ALDOB: variants seen among roughly 807,000 people sequenced by gnomAD.
ALDOB encodes aldolase, fructose-bisphosphate B.
In ALDOB, 39 loss-of-function variants were observed where a neutral mutation model predicts 41.0. That is an observed-to-expected ratio of 0.95 (90% CI 0.74 to 1.24). The LOEUF (loss-of-function observed/expected upper bound fraction) is 1.24, where lower values mean the gene tolerates loss of function less well. Ranked by LOEUF, ALDOB falls within the 50% of genes most tolerant of loss-of-function variation. The pLI, the probability that ALDOB is intolerant of heterozygous loss-of-function variation, is 0.00. For missense variants in ALDOB, 530 were observed against 457.3 expected (o/e 1.16, Z -1.45); for synonymous variants, 175 against 168.8 (o/e 1.04, Z -0.28).
At chr9:101,431,527 G>A (rs1001716587) in intron 1 of ALDOB, among the ~76,000 whole-genome samples, 1 of 152,128 alleles carries the variant, frequency 6.6e-6, no homozygotes, top group Non-Finnish European at 1.5e-5. Flanking sequence ...AGTGCCTCTG[G>A]GCTTGGGTTT....
chr9:101,424,419 A>AAAAC (rs71356350), intron 8 of ALDOB, among the ~76,000 whole-genome samples: 28 of 151,904 alleles, frequency 1.8e-4, no homozygotes, highest in East Asian at 1.7e-3. Flanking sequence ...ACTCCATCTC[A>AAAAC]AAACAAACAA....
intron 5 of ALDOB, 42 bp downstream of exon 5, chr9:101,427,440 C>G (rs751706344): frequency 1.9e-6 from 3 of 1,612,018 alleles, no homozygotes; most frequent in African/African-American, 2.7e-5. Context: ...CTGAAGAAAA[C>G]TCTAGCCTAC....
intron 1 of ALDOB, among the ~76,000 whole-genome samples, chr9:101,433,774 C>G (rs1162942438): frequency 2.0e-5 from 3 of 151,726 alleles, no homozygotes; most frequent in Admixed American, 6.6e-5. Flanking sequence ...TTCTTTCTTT[C>G]TTTTTTATTT....
At chr9:101,426,241 C>T (rs1481073545) in intron 6 of ALDOB, among the ~76,000 whole-genome samples, 1 of 152,140 alleles carries the variant, frequency 6.6e-6, no homozygotes, top group Non-Finnish European at 1.5e-5. Flanking sequence ...AGCCACATGT[C>T]TTATTTTAAA....
intron 8 of ALDOB, among the ~76,000 whole-genome samples, chr9:101,423,333 ACC>A (rs982664336): frequency 1.3e-5 from 2 of 151,814 alleles, no homozygotes; most frequent in African/African-American, 2.4e-5. Flanking sequence ...TCACTCTTCT[ACC>A]CCGCTATTTT....
Position 101,427,466 on chromosome 9 carries a change from G to A in ALDOB, c.540+16C>T, listed in dbSNP as rs774772032. 8 of 1,613,940 alleles carry A rather than the reference G, an allele frequency of 5.0e-6. No individual in the cohort carries two copies. The highest frequency in any genetic ancestry group is 6.8e-6 in the Non-Finnish European group (8 of 1,179,988). The stretch of plus-strand genomic sequence containing the variant: ...TCTAGCCTACTCTTTTTCAGCCCAA[G>A]GGGAAGGCAGAGCACCTGCTGACAG... On this transcript the variant is annotated intron_variant, in intron 5 of 8. Coordinates refer to ENST00000647789, the MANE Select transcript of ALDOB (RefSeq NM_000035.4).
intron 8 of ALDOB, among the ~76,000 whole-genome samples, chr9:101,423,858 C>T (rs1028620220): frequency 1.3e-5 from 2 of 152,176 alleles, no homozygotes; most frequent in Non-Finnish European, 2.9e-5. Context: ...GGCTATGTCT[C>T]ATTTGTTCAC....
chr9:101,426,760 A>ATGACT, intron 5 of ALDOB, 122 bp from the exon 6 acceptor site: 1 of 719,306 alleles, frequency 1.4e-6, no homozygotes, highest in Non-Finnish European at 2.6e-6. Flanking sequence ...TACTACATAG[A>ATGACT]TGACTTAAAG....
intron 3 of ALDOB, among the ~76,000 whole-genome samples, 183 bp downstream of exon 3, chr9:101,429,572 G>A (rs575658291): frequency 2.0e-5 from 3 of 152,256 alleles, no homozygotes; most frequent in South Asian, 2.1e-4. Flanking sequence ...TTGAGTGAAA[G>A]AAGAGGGCAC....
At position 101,430,901 on chromosome 9, in the gene ALDOB, GAA is replaced by G. The variant is rs753304085; in HGVS notation, c.-10-6_-10-5del. 1.1e-5 allele frequency: 17 copies of G among 1,597,314 alleles called. No individual in the cohort carries two copies. Among genetic ancestry groups the G allele is most frequent in the Non-Finnish European group, 8.6e-7 (1 of 1,164,884 alleles). On this transcript the variant is annotated splice_region_variant and splice_polypyrimidine_tract_variant and intron_variant, in intron 1 of 8. Transcript: ENST00000647789. ...TCGGTGGGCCATGGTGACAGGTCTG[GAA>G]AAGAGTGTGCGAGAGTTGTGCACAG...
chr9:101,432,499 C>T (rs894113996), intron 1 of ALDOB, among the ~76,000 whole-genome samples: 1 of 152,108 alleles, frequency 6.6e-6, no homozygotes, highest in Non-Finnish European at 1.5e-5. Context: ...TCAGTTTAGG[C>T]ATTTGTACAA....
chr9:101,421,529 G>C lies in ALDOB; in HGVS notation c.*280C>G. ...GTTCTTTGGATGAGGAGCCGATATT[G>C]TTTTAAAGCCTATTATTTTCTTGGG... On this transcript the variant is annotated 3_prime_UTR_variant, in exon 9 of 9. Coordinates refer to ENST00000647789, the MANE Select transcript of ALDOB (RefSeq NM_000035.4). 2 of 480,920 alleles carry C rather than the reference G, an allele frequency of 4.2e-6. No individual in the cohort carries two copies. Among genetic ancestry groups the C allele is most frequent in the Non-Finnish European group, 7.6e-6 (2 of 262,402 alleles). The allele number at this position is 480,920 out of a possible 1,614,324, so 29.8% of individuals were successfully genotyped here.
At chr9:101,423,823 A>G (rs1831084569) in intron 8 of ALDOB, among the ~76,000 whole-genome samples, 1 of 152,174 alleles carries the variant, frequency 6.6e-6, no homozygotes, top group African/African-American at 2.4e-5. Context: ...CTATTTGGCT[A>G]AACTCCAAGC....
chr9:101,423,195 C>T (rs1831074477), intron 8 of ALDOB, among the ~76,000 whole-genome samples: 1 of 152,182 alleles, frequency 6.6e-6, no homozygotes, highest in African/African-American at 2.4e-5. Flanking sequence ...TGGGGCCTTC[C>T]TTCCCTTTAG....
At chr9:101,430,680 C>G (rs1215499474) in intron 2 of ALDOB, 96 bp downstream of exon 2, 1 of 982,940 alleles carries the variant, frequency 1.0e-6, no homozygotes, top group Admixed American at 2.0e-5. Flanking sequence ...GTACATAAAC[C>G]TTTACTTCCA....
intron 7 of ALDOB, 65 bp from the exon 8 acceptor site, chr9:101,425,107 G>A (rs878973080): frequency 2.5e-5 from 39 of 1,553,424 alleles, no homozygotes; most frequent in African/African-American, 9.5e-5. Flanking sequence ...GAGAAAGCAA[G>A]CAATGAACCT....
chr9:101,430,146 G>A (rs928960950), intron 2 of ALDOB, among the ~76,000 whole-genome samples, 180 bp from the exon 3 acceptor site: 1 of 152,170 alleles, frequency 6.6e-6, no homozygotes, highest in African/African-American at 2.4e-5. Flanking sequence ...GCTCTCAGGT[G>A]GCTAGTTAGG....
intron 8 of ALDOB, among the ~76,000 whole-genome samples, chr9:101,423,599 T>C (rs897574726): frequency 2.8e-4 from 43 of 152,194 alleles, no homozygotes; most frequent in African/African-American, 1.0e-3. Context: ...CTGCTACATC[T>C]CTTGACTTAT....
In ALDOB at chr9:101,421,733, C is replaced by T. The variant is rs977848157; in HGVS notation, c.*76G>A. The T allele has an allele frequency of 6.8e-6, 8 of 1,171,170 alleles. No individual in the cohort carries two copies. The African/African-American group carries it at 1.1e-4, about 15-fold the overall frequency. 72.5% of individuals were successfully genotyped at this position (1,171,170 alleles called of 1,614,324 possible). On this transcript the variant is annotated 3_prime_UTR_variant, in exon 9 of 9. Coordinates refer to ENST00000647789, the MANE Select transcript of ALDOB (RefSeq NM_000035.4). ...TTCAAATCTAATTGTGTCGAATTTC[C>T]AGGATTGGAGGAAAAGTTGCTCCCT...
Sources: allele counts gnomAD v4.1 joint callset (sites outside exome capture counted in the v4.1 genomes callset), GRCh38; gene constraint gnomAD v4.1.1; transcripts MANE v1.5; gene names NCBI Gene and HGNC (gene_info 2026-07-23, HGNC 2026-07-21).